LRRC49: variants seen among roughly 807,000 people sequenced by gnomAD.
LRRC49 encodes the protein leucine-rich repeat-containing protein 49.
In LRRC49, 50 loss-of-function variants were observed where a neutral mutation model predicts 83.3. The ratio of observed to expected loss-of-function variants is 0.60; its 90% CI spans 0.48 to 0.76. The LOEUF is 0.76. LRRC49 is among the 30% of genes least tolerant of loss of function. The pLI is 0.00. For synonymous variants in LRRC49, 286 were observed against 283.3 expected (o/e 1.01, Z -0.10); for missense variants, 704 against 809.1 (o/e 0.87, Z 1.58).
At chr15:71,035,816 A>G (rs1168763541) in intron 14 of LRRC49, among the ~76,000 whole-genome samples, 1 of 152,160 alleles carries the variant, frequency 6.6e-6, no homozygotes, top group Non-Finnish European at 1.5e-5. Context: ...ATACATGTAT[A>G]TGTTATAATA....
At chr15:70,923,261 A>C (rs1403402926) in intron 7 of LRRC49, among the ~76,000 whole-genome samples, 1 of 151,946 alleles carries the variant, frequency 6.6e-6, no homozygotes, top group Non-Finnish European at 1.5e-5. Flanking sequence ...GATTATGTGT[A>C]ATTGGTACTT....
chr15:70,972,545 G>A (rs554195040), intron 9 of LRRC49, among the ~76,000 whole-genome samples: 33 of 152,214 alleles, frequency 2.2e-4, no homozygotes, highest in Non-Finnish European at 3.7e-4. Flanking sequence ...TGCTAGGTTG[G>A]GGAAGTTCTC....
chr15:70,890,326 G>T (rs1462426976), upstream of LRRC49, among the ~76,000 whole-genome samples: 4 of 152,184 alleles, frequency 2.6e-5, no homozygotes, highest in East Asian at 7.7e-4. Flanking sequence ...ATGGTTCAAG[G>T]AAAGGACAGC....
upstream of LRRC49, chr15:70,891,785 T>C (rs1472023679): frequency 6.3e-6 from 9 of 1,418,232 alleles, no homozygotes; most frequent in Non-Finnish European, 8.4e-6. Context: ...TGACACTAAG[T>C]GGAGGAGCCC....
intron 10 of LRRC49, among the ~76,000 whole-genome samples, chr15:70,981,891 CTTTT>C (rs11339326): frequency 8.9e-6 from 1 of 112,100 alleles, no homozygotes; most frequent in African/African-American, 3.2e-5. Flanking sequence ...TTTGCTTCTT[CTTTT>C]TTTTTTTTTT....
In LRRC49 at chr15:71,052,435, C is replaced by T. The variant is rs1263032237; in HGVS notation, c.*2823C>T. The T allele has an allele frequency of 6.6e-6, 1 of 152,132 alleles. No individual in the cohort carries two copies. Among genetic ancestry groups the T allele is most frequent in the African/African-American group, 2.4e-5 (1 of 41,412 alleles). The allele number at this position is 152,132 out of a possible 1,614,324, so 9.4% of individuals were successfully genotyped here. On this transcript the variant is annotated 3_prime_UTR_variant, in exon 16 of 16. Transcript: ENST00000260382. ...GATGGTTACCAAGTGTGCAGGTGGA[C>T]CTGAGGCTTGTTAACTGTGCTGCTG...
chr15:70,966,087 A>G (rs1391927716), intron 9 of LRRC49, among the ~76,000 whole-genome samples: 2 of 152,140 alleles, frequency 1.3e-5, no homozygotes, highest in African/African-American at 4.8e-5. Context: ...CAAGCCCAAA[A>G]TATTTATTAT....
At chr15:70,885,809 A>G (rs2141087485) in intron 2 of LRRC49, among the ~76,000 whole-genome samples, 1 of 152,346 alleles carries the variant, frequency 6.6e-6, no homozygotes, top group African/African-American at 2.4e-5. Context: ...ATTAAGATAA[A>G]AATTCCAAAA....
rs2724950 is a variant in LRRC49, at chr15:70,874,534, G to A, written c.18+1311G>A. Among the ~76,000 whole-genome samples the A allele has an allele frequency of 4.2e-3, 639 of 152,234 alleles. 5 individuals are homozygous for A. The highest frequency in any genetic ancestry group is 0.015 in the African/African-American group (615 of 41,526). On this transcript the variant is annotated intron_variant, in intron 2 of 16. Coordinates refer to the LRRC49 transcript ENST00000544974. ...AAGAAGGTTGACAGTCTTTTGAAGC[G>A]GTTTGCATTTTTTGGTTTTTAGATG...
In LRRC49 at chr15:70,904,713, C is replaced by T. The variant is rs202003919; in HGVS notation, c.458C>T (p.Ser153Leu). 4.3e-6 allele frequency: 7 copies of T among 1,613,544 alleles called. No homozygotes were observed. Among genetic ancestry groups the T allele is most frequent in the African/African-American group, 2.7e-5 (2 of 75,012 alleles). The stretch of plus-strand genomic sequence containing the variant: ...CAGATTGAAGAAATTAGTGGGCTTT[C>T]GACTCTGAGATGTCTTCGTGTCCTT... ...DNQIEEISGL[S>L]TLRCLRVLLL... Residue 153 changes from serine (S) to leucine (L), a missense_variant, in exon 5 of 16, where the codon TCG becomes TTG. By Grantham distance (145) the Ser-to-Leu change is moderately radical. Transcript: ENST00000260382.
intron 11 of LRRC49, among the ~76,000 whole-genome samples, chr15:71,007,856 CA>C (rs1284045323): frequency 6.6e-6 from 1 of 151,018 alleles, no homozygotes; most frequent in Non-Finnish European, 1.5e-5. Flanking sequence ...TTAAAAATTT[CA>C]AAAACCATTG....
chr15:70,980,050 A>G, intron 9 of LRRC49, 51 bp from the exon 10 acceptor site: 7 of 1,166,940 alleles, frequency 6.0e-6, no homozygotes, highest in Non-Finnish European at 8.8e-6. Context: ...GATATTTAGC[A>G]TTAAAAAATG....
At chr15:70,958,569 CTG>C (rs1445065862) in intron 8 of LRRC49, among the ~76,000 whole-genome samples, 2 of 152,158 alleles carry the variant, frequency 1.3e-5, no homozygotes, top group Non-Finnish European at 2.9e-5. Context: ...ATACCAGAAA[CTG>C]TTCTGAGATT....
At chr15:70,927,942 C>T (rs2035268810) in intron 7 of LRRC49, among the ~76,000 whole-genome samples, 1 of 152,166 alleles carries the variant, frequency 6.6e-6, no homozygotes, top group African/African-American at 2.4e-5. Context: ...AGCCACCATG[C>T]CCAGCCAGTC....
At chr15:70,892,354 C>A (rs531665776), upstream of LRRC49, 228 of 1,548,306 alleles carry the variant, frequency 1.5e-4, 1 homozygote, top group South Asian at 2.1e-3. Context: ...CTCGGCGAGG[C>A]AAGTCCTCCC....
intron 2 of LRRC49, among the ~76,000 whole-genome samples, chr15:70,894,209 T>G (rs1488261927): frequency 1.3e-5 from 2 of 152,230 alleles, no homozygotes; most frequent in Non-Finnish European, 1.5e-5. Flanking sequence ...TTTACACATT[T>G]CTGAAATCAG....
chr15:70,860,169 G>A (rs1348109709), intron 1 of LRRC49: 15 of 674,302 alleles, frequency 2.2e-5, no homozygotes, highest in East Asian at 1.5e-4. Context: ...GTGAACAGAC[G>A]CGGCAGCCCC....
At chr15:70,891,921 C>T (rs746064059), upstream of LRRC49, 10 of 1,613,670 alleles carry the variant, frequency 6.2e-6, no homozygotes, top group Non-Finnish European at 6.8e-6. Flanking sequence ...GAATGCCTGG[C>T]TGCCTGGAGC....
At chr15:70,890,861 C>G (rs1263210774), upstream of LRRC49, among the ~76,000 whole-genome samples, 1 of 152,124 alleles carries the variant, frequency 6.6e-6, no homozygotes, top group East Asian at 1.9e-4. Flanking sequence ...CAGTGAGCAA[C>G]AGGGACAGTG....
Sources: gnomAD v4.1 joint callset for allele counts (sites outside exome capture counted in the v4.1 genomes callset) on GRCh38, gnomAD v4.1.1 for gene constraint, MANE v1.5 for transcripts, NCBI Gene and HGNC (gene_info 2026-07-23, HGNC 2026-07-21) for gene names.